AUTS2: variants seen among roughly 807,000 people sequenced by gnomAD.
AUTS2 encodes autism susceptibility gene 2 protein.
A neutral mutation model predicts 112.4 loss-of-function variants in AUTS2; 17 were observed. The ratio of observed to expected loss-of-function variants is 0.15; its 90% CI spans 0.10 to 0.23. The LOEUF is 0.23. Among genes scored for constraint, AUTS2 ranks in the 10% least tolerant of loss-of-function variants. The pLI is 1.00. For missense variants in AUTS2, 1,510 were observed against 1,701.6 expected (o/e 0.89, Z 1.98); for synonymous variants, 751 against 702.7 (o/e 1.07, Z -1.09).
At position 70,175,957 on chromosome 7, in the gene AUTS2, A is replaced by G. The variant is rs1031798564; in HGVS notation, c.660+41386A>G. 1.2e-4 allele frequency among the ~76,000 whole-genome samples: 18 copies of G among 152,158 alleles called. 1 individual carries two copies. The highest frequency in any genetic ancestry group is 1.0e-3 in the Admixed American group (16 of 15,268). Reference sequence around the variant, plus strand: ...ATTTTATTGTGGTGGTTTGGAACCAAATCTACAATGTCTTAGGTATTCCTG... The same window carrying G: ...ATTTTATTGTGGTGGTTTGGAACCAGATCTACAATGTCTTAGGTATTCCTG... On this transcript the variant is annotated intron_variant, in intron 4 of 18. Coordinates refer to ENST00000342771, the MANE Select transcript of AUTS2 (RefSeq NM_015570.4).
chr7:70,641,575 T>C (rs1040108531), intron 5 of AUTS2, among the ~76,000 whole-genome samples: 1 of 151,904 alleles, frequency 6.6e-6, no homozygotes, highest in African/African-American at 2.4e-5. Flanking sequence ...AAGAAATAGG[T>C]CTTTCATAAA....
At chr7:70,266,605 A>G (rs924387746) in intron 4 of AUTS2, among the ~76,000 whole-genome samples, 28 of 152,184 alleles carry the variant, frequency 1.8e-4, no homozygotes, top group African/African-American at 6.3e-4. Flanking sequence ...GGGTGATGGA[A>G]GTGTTATCAA....
intron 5 of AUTS2, among the ~76,000 whole-genome samples, chr7:70,451,507 C>G (rs1796529321): frequency 6.6e-6 from 1 of 151,860 alleles, no homozygotes; most frequent in Non-Finnish European, 1.5e-5. Flanking sequence ...ATTTACCATC[C>G]TAACCATTTT....
At chr7:70,179,836 C>T (rs1034146424) in intron 4 of AUTS2, among the ~76,000 whole-genome samples, 2 of 152,132 alleles carry the variant, frequency 1.3e-5, no homozygotes, top group Non-Finnish European at 2.9e-5. Flanking sequence ...GGGATTATTT[C>T]TGGGTGGTAT....
intron 2 of AUTS2, among the ~76,000 whole-genome samples, chr7:70,056,112 C>G (rs565904414): frequency 6.6e-6 from 1 of 152,012 alleles, no homozygotes; most frequent in African/African-American, 2.4e-5. Flanking sequence ...CTCAGCCTCC[C>G]GAGTAGCTGG....
At chr7:69,934,073 C>T (rs549272771) in intron 2 of AUTS2, among the ~76,000 whole-genome samples, 64 of 152,310 alleles carry the variant, frequency 4.2e-4, no homozygotes, top group African/African-American at 1.4e-3. Flanking sequence ...AAACAGTTAG[C>T]TGCGGAATCT....
intron 2 of AUTS2, among the ~76,000 whole-genome samples, chr7:69,993,313 C>T (rs780179137): frequency 1.3e-5 from 2 of 152,230 alleles, no homozygotes; most frequent in East Asian, 1.9e-4. Context: ...TTTAGTGGGG[C>T]GACTCTCATG....
intron 1 of AUTS2, among the ~76,000 whole-genome samples, chr7:69,730,693 T>A (rs1584149723): frequency 6.6e-6 from 1 of 152,216 alleles, no homozygotes; most frequent in South Asian, 2.1e-4. Flanking sequence ...AGAACTTCAG[T>A]TGAAAGTGTT....
At chr7:69,653,565 A>G (rs1403036724) in intron 1 of AUTS2, among the ~76,000 whole-genome samples, 1 of 151,588 alleles carries the variant, frequency 6.6e-6, no homozygotes, top group Non-Finnish European at 1.5e-5. Flanking sequence ...AAGAAATGTA[A>G]TTTTCTCTAA....
intron 5 of AUTS2, among the ~76,000 whole-genome samples, chr7:70,445,304 C>T (rs1362068474): frequency 1.3e-5 from 2 of 152,140 alleles, no homozygotes; most frequent in Admixed American, 6.5e-5. Flanking sequence ...GCTGCTTCCC[C>T]GTACGTCAGT....
chr7:70,249,798 A>G (rs1224907799), intron 4 of AUTS2, among the ~76,000 whole-genome samples: 2 of 151,206 alleles, frequency 1.3e-5, no homozygotes, highest in African/African-American at 4.8e-5. Flanking sequence ...CCCATATGGG[A>G]CATAAAAATT....
intron 5 of AUTS2, among the ~76,000 whole-genome samples, chr7:70,442,050 G>A (rs764845565): frequency 2.7e-4 from 41 of 152,166 alleles, no homozygotes; most frequent in Non-Finnish European, 5.1e-4. Flanking sequence ...TCAGGAGACA[G>A]TTTGGAGGTA....
intron 2 of AUTS2, among the ~76,000 whole-genome samples, chr7:70,056,242 C>T (rs953902651): frequency 5.3e-5 from 8 of 152,212 alleles, no homozygotes; most frequent in Admixed American, 2.0e-4. Context: ...TCCTCATCTT[C>T]CCAAAGTGCT....
chr7:69,925,941 T>C (rs1795990566), intron 2 of AUTS2, among the ~76,000 whole-genome samples: 1 of 152,192 alleles, frequency 6.6e-6, no homozygotes, highest in Non-Finnish European at 1.5e-5. Context: ...TCACTTGAGC[T>C]AGTAGCTGAG....
chr7:70,466,839 T>G (rs189750077), intron 5 of AUTS2, among the ~76,000 whole-genome samples: 1 of 152,224 alleles, frequency 6.6e-6, no homozygotes, highest in Admixed American at 6.5e-5. Flanking sequence ...GATTTGTCAT[T>G]TAAACGGTAA....
At chr7:70,383,758 A>G (rs568862132) in intron 4 of AUTS2, among the ~76,000 whole-genome samples, 16 of 152,232 alleles carry the variant, frequency 1.1e-4, no homozygotes, top group Non-Finnish European at 2.2e-4. Context: ...GTGAGCTCTC[A>G]GATCAGCCAG....
At chr7:70,055,206 G>A (rs981077041) in intron 2 of AUTS2, among the ~76,000 whole-genome samples, 2 of 152,098 alleles carry the variant, frequency 1.3e-5, no homozygotes, top group African/African-American at 4.8e-5. Context: ...AGGCCGAGGC[G>A]GGTGGATCAC....
intron 5 of AUTS2, among the ~76,000 whole-genome samples, chr7:70,605,546 C>CTCTTTTTTTTTTTTTTTTTT (rs1554440368): frequency 1.4e-5 from 1 of 70,664 alleles, no homozygotes; most frequent in African/African-American, 6.6e-5. Flanking sequence ...CCTTCTTTCT[C>CTCTTTTTTTTTTTTTTTTTT]TTTTTTTTTT....
At chr7:69,840,318 T>G (rs1791920108) in intron 1 of AUTS2, among the ~76,000 whole-genome samples, 1 of 152,206 alleles carries the variant, frequency 6.6e-6, no homozygotes, top group South Asian at 2.1e-4. Flanking sequence ...AAAATTAAGA[T>G]TCTCGTCAAG....
Sources: gnomAD v4.1 joint callset for allele counts (sites outside exome capture counted in the v4.1 genomes callset) on GRCh38, gnomAD v4.1.1 for gene constraint, MANE v1.5 for transcripts, NCBI Gene and HGNC (gene_info 2026-07-23, HGNC 2026-07-21) for gene names.